Variants in SLC25A21 observed in about 807,000 individuals in gnomAD.
SLC25A21 encodes solute carrier family 25 member 21, also known as mitochondrial 2-oxodicarboxylate carrier.
A neutral mutation model predicts 43.8 loss-of-function variants in SLC25A21; 47 were observed. The ratio of observed to expected loss-of-function variants is 1.07; its 90% CI spans 0.85 to 1.37. The LOEUF (loss-of-function observed/expected upper bound fraction) is 1.37, where lower values mean the gene tolerates loss of function less well. Ranked by LOEUF, SLC25A21 falls within the 40% of genes most tolerant of loss-of-function variation. SLC25A21 has a pLI of 0.00. For missense variants in SLC25A21, 352 were observed against 350.2 expected, an observed-to-expected ratio of 1.00 and a Z score of -0.04; for synonymous variants, 131 against 121.3, an observed-to-expected ratio of 1.08 and a Z score of -0.52.
chr14:36,795,403 G>A (rs1433685660), intron 3 of SLC25A21, among the ~76,000 whole-genome samples: 2 of 152,168 alleles, frequency 1.3e-5, no homozygotes, highest in Non-Finnish European at 2.9e-5. Context: ...CAGCTTGTTT[G>A]AGATGAGAAT....
At chr14:36,795,538 T>C (rs1416391557) in intron 3 of SLC25A21, among the ~76,000 whole-genome samples, 1 of 152,222 alleles carries the variant, frequency 6.6e-6, no homozygotes, top group Non-Finnish European at 1.5e-5. Context: ...TTTTTGTGTT[T>C]AGTTTTAAAG....
intron 1 of SLC25A21, among the ~76,000 whole-genome samples, chr14:37,141,864 A>G (rs1398114900): frequency 6.6e-6 from 1 of 152,180 alleles, no homozygotes; most frequent in Non-Finnish European, 1.5e-5. Flanking sequence ...CTCCATCCTC[A>G]AGGATAGTAT....
chr14:36,908,291 C>A (rs947350031), intron 1 of SLC25A21, among the ~76,000 whole-genome samples: 4 of 152,172 alleles, frequency 2.6e-5, no homozygotes, highest in African/African-American at 9.6e-5. Context: ...GGAATATTGA[C>A]AGTGGGGGCA....
At chr14:37,060,426 G>A (rs183755099) in intron 1 of SLC25A21, among the ~76,000 whole-genome samples, 86 of 131,722 alleles carry the variant, frequency 6.5e-4, no homozygotes, top group Non-Finnish European at 1.2e-3. Flanking sequence ...TAATAATAAT[G>A]ATGTAACCCA....
At chr14:37,165,484 C>T (rs1046676622) in intron 1 of SLC25A21, among the ~76,000 whole-genome samples, 4 of 152,080 alleles carry the variant, frequency 2.6e-5, no homozygotes, top group Admixed American at 2.6e-4. Flanking sequence ...ATCTCACATG[C>T]ATGATATATA....
At chr14:37,128,536 C>G (rs56153808) in intron 1 of SLC25A21, among the ~76,000 whole-genome samples, 1,001 of 86,902 alleles carry the variant, frequency 0.012, 11 homozygotes, top group African/African-American at 0.043. Context: ...CTCTCTCTCT[C>G]TCTGTGTGTG....
chr14:36,818,098 T>C (rs1236407539), intron 2 of SLC25A21, among the ~76,000 whole-genome samples: 1 of 152,156 alleles, frequency 6.6e-6, no homozygotes, highest in Non-Finnish European at 1.5e-5. Context: ...AAATAGATGA[T>C]TACCATACAC....
intron 3 of SLC25A21, among the ~76,000 whole-genome samples, chr14:36,752,648 G>C (rs908177698): frequency 2.6e-5 from 4 of 152,192 alleles, no homozygotes; most frequent in Admixed American, 2.6e-4. Flanking sequence ...GTACTGTATT[G>C]ACATGGTTTG....
At chr14:37,165,859 G>A (rs1238779325) in intron 1 of SLC25A21, among the ~76,000 whole-genome samples, 1 of 152,172 alleles carries the variant, frequency 6.6e-6, no homozygotes, top group Non-Finnish European at 1.5e-5. Context: ...TGATCATTAG[G>A]AAGAATGGGA....
chr14:36,906,664 C>A (rs1419263321), intron 1 of SLC25A21, among the ~76,000 whole-genome samples: 1 of 151,994 alleles, frequency 6.6e-6, no homozygotes, highest in Non-Finnish European at 1.5e-5. Context: ...CGCCACCACA[C>A]CCAGCTAATT....
At chr14:36,978,621 T>C (rs1481405574) in intron 1 of SLC25A21, among the ~76,000 whole-genome samples, 1 of 152,220 alleles carries the variant, frequency 6.6e-6, no homozygotes, top group Non-Finnish European at 1.5e-5. Context: ...AAATAGAGTA[T>C]AAAATCTAAT....
At chr14:37,121,744 G>A (rs1401715936) in intron 1 of SLC25A21, among the ~76,000 whole-genome samples, 8 of 152,004 alleles carry the variant, frequency 5.3e-5, no homozygotes, top group Admixed American at 6.6e-5. Context: ...AGCCAAGATC[G>A]CGCCACTGCA....
intron 3 of SLC25A21, among the ~76,000 whole-genome samples, chr14:36,743,486 A>G (rs943088472): frequency 4.6e-5 from 7 of 152,174 alleles, no homozygotes; most frequent in Non-Finnish European, 8.8e-5. Context: ...CAGGAAAGAC[A>G]ACCCAATCAT....
chr14:36,772,245 G>A (rs558093216), intron 3 of SLC25A21, among the ~76,000 whole-genome samples: 2 of 152,066 alleles, frequency 1.3e-5, no homozygotes, highest in Non-Finnish European at 2.9e-5. Flanking sequence ...GCAAAACAAG[G>A]GAAAATTTTA....
chr14:36,892,070 T>C (rs1891087327), intron 1 of SLC25A21, among the ~76,000 whole-genome samples: 1 of 152,182 alleles, frequency 6.6e-6, no homozygotes, highest in Admixed American at 6.5e-5. Flanking sequence ...AACCACATTA[T>C]GTGTCCAAAC....
chr14:37,081,276 T>C (rs1962382510), intron 1 of SLC25A21, among the ~76,000 whole-genome samples: 1 of 152,224 alleles, frequency 6.6e-6, no homozygotes, highest in South Asian at 2.1e-4. Context: ...ACATCTCCCC[T>C]AATGTTAGAT....
intron 1 of SLC25A21, among the ~76,000 whole-genome samples, chr14:36,926,290 A>G (rs1284820139): frequency 6.6e-6 from 1 of 152,220 alleles, no homozygotes; most frequent in East Asian, 1.9e-4. Flanking sequence ...CATAGTGGAA[A>G]TCAGAAAATA....
intron 3 of SLC25A21, among the ~76,000 whole-genome samples, chr14:36,779,898 T>C (rs890981070): frequency 2.4e-4 from 37 of 151,948 alleles, no homozygotes; most frequent in African/African-American, 8.2e-4. Context: ...GTTGTACCAA[T>C]TTATATTCTA....
intron 4 of SLC25A21, among the ~76,000 whole-genome samples, chr14:36,733,351 T>C (rs1884907194): frequency 6.6e-6 from 1 of 152,228 alleles, no homozygotes; most frequent in Non-Finnish European, 1.5e-5. Flanking sequence ...TTACTGTGAT[T>C]CAGATCCTTA....
Sources: allele counts gnomAD v4.1 joint callset (sites outside exome capture counted in the v4.1 genomes callset), GRCh38; gene constraint gnomAD v4.1.1; transcripts MANE v1.5; gene names NCBI Gene and HGNC (gene_info 2026-07-23, HGNC 2026-07-21).